INPP4A: variants seen among roughly 807,000 people sequenced by gnomAD.
The protein encoded by INPP4A is inositol polyphosphate-4-phosphatase type I A.
INPP4A carries 33 observed loss-of-function variants against 119.8 expected under a neutral mutation model. That is an observed-to-expected ratio of 0.28 (90% CI 0.21 to 0.37). The LOEUF (loss-of-function observed/expected upper bound fraction) is 0.37. Ranked by LOEUF, INPP4A falls within the 10% of genes least tolerant of loss-of-function variation. The pLI is 1.00. For missense variants in INPP4A, 956 were observed against 1,289.9 expected, an observed-to-expected ratio of 0.74 and a Z score of 3.97; for synonymous variants, 496 against 500.7, an observed-to-expected ratio of 0.99 and a Z score of 0.12.
At chr2:98,507,553 G>C (rs567251332) in intron 1 of INPP4A, among the ~76,000 whole-genome samples, 6 of 152,212 alleles carry the variant, frequency 3.9e-5, no homozygotes, top group Middle Eastern at 3.4e-3. Flanking sequence ...TAGTGTTGAA[G>C]CCCCCATGCT....
intron 1 of INPP4A, among the ~76,000 whole-genome samples, chr2:98,478,509 G>A (rs1017638325): frequency 6.6e-6 from 1 of 152,232 alleles, no homozygotes; most frequent in African/African-American, 2.4e-5. Flanking sequence ...GCAGGGCTGT[G>A]GGGGTAGGGG....
Position 98,459,715 on chromosome 2 carries a change from G to T in INPP4A, c.-166+14630G>T, listed in dbSNP as rs968941145. Among the ~76,000 whole-genome samples, 4 of 152,228 alleles carry T rather than the reference G, an allele frequency of 2.6e-5. No individual in the cohort carries two copies. The East Asian group carries it at 7.7e-4, about 29-fold the overall frequency. On this transcript the variant is annotated intron_variant, in intron 1 of 24. Coordinates refer to ENST00000409851, the MANE Select transcript of INPP4A (RefSeq NM_001134225.2). ...TAGCTTGGTTTTCTTTGTAGGTCCA[G>T]AGTGCCCCACTGTGCCTGGCACAAA...
At chr2:98,519,818 G>A (rs1040618884) in intron 2 of INPP4A, 128 bp from the exon 3 acceptor site, 57 of 530,062 alleles carry the variant, frequency 1.1e-4, no homozygotes, top group South Asian at 2.1e-4. Flanking sequence ...AGTCCACCCC[G>A]GTTCCTCACA....
At position 98,520,756 on chromosome 2, in the gene INPP4A, G is replaced by C. The variant is rs542408957; in HGVS notation, c.151+25G>C. ...GGTAGGTATCTTTCATTATTTTTTT[G>C]TTTTAAAAAATATTTTACTTAAAAA... On this transcript the variant is annotated intron_variant, in intron 4 of 24. Transcript: ENST00000409851. 2.6e-5 allele frequency: 35 copies of C among 1,325,014 alleles called. No individual in the cohort carries two copies. The African/African-American group carries it at 4.0e-4, about 15-fold the overall frequency. The allele number at this position is 1,325,014 out of a possible 1,614,324, so 82.1% of individuals were successfully genotyped here.
At chr2:98,451,689 T>A (rs1311976844) in intron 1 of INPP4A, among the ~76,000 whole-genome samples, 1 of 152,196 alleles carries the variant, frequency 6.6e-6, no homozygotes, top group Non-Finnish European at 1.5e-5. Flanking sequence ...TAATTCACCC[T>A]AGCATATTGA....
chr2:98,520,576 T>G (rs1285118008), intron 3 of INPP4A, 111 bp from the exon 4 acceptor site: 1 of 704,322 alleles, frequency 1.4e-6, no homozygotes, highest in African/African-American at 1.8e-5. Flanking sequence ...TTGTCTTGCA[T>G]GGCAGTTTTT....
At chr2:98,584,693 G>T (rs1699756709) in intron 24 of INPP4A, among the ~76,000 whole-genome samples, 1 of 152,278 alleles carries the variant, frequency 6.6e-6, no homozygotes, top group Non-Finnish European at 1.5e-5. Context: ...GTGAAAATCA[G>T]TATGCCGCCT....
intron 4 of INPP4A, among the ~76,000 whole-genome samples, chr2:98,531,299 C>G (rs1453629671): frequency 6.6e-6 from 1 of 151,618 alleles, no homozygotes; most frequent in Non-Finnish European, 1.5e-5. Context: ...ATGAAAAGAA[C>G]CAAATAGATA....
chr2:98,572,487 CACTCCCTCCTA>C (rs1361207719), intron 22 of INPP4A, among the ~76,000 whole-genome samples: 1 of 152,230 alleles, frequency 6.6e-6, no homozygotes, highest in Non-Finnish European at 1.5e-5. Context: ...GGATCCCTCT[CACTCCCTCCTA>C]ACTCCCTCAT....
At chr2:98,565,157 A>AG (rs1279764373) in intron 19 of INPP4A, among the ~76,000 whole-genome samples, 1 of 152,224 alleles carries the variant, frequency 6.6e-6, no homozygotes, top group Admixed American at 6.5e-5. Flanking sequence ...CCCTCTAAAA[A>AG]GGCTCTCTTC....
At chr2:98,446,160 G>A (rs1417374263) in intron 1 of INPP4A, among the ~76,000 whole-genome samples, 1 of 152,270 alleles carries the variant, frequency 6.6e-6, no homozygotes, top group Non-Finnish European at 1.5e-5. Flanking sequence ...GGTGAGAGCA[G>A]AGCCTTTTTT....
At chr2:98,483,382 A>C (rs918595374) in intron 1 of INPP4A, among the ~76,000 whole-genome samples, 3 of 152,196 alleles carry the variant, frequency 2.0e-5, no homozygotes, top group South Asian at 2.1e-4. Flanking sequence ...TTGTGGTCAG[A>C]AACAGGTATT....
At chr2:98,571,295 C>CT (rs1210665889) in intron 22 of INPP4A, among the ~76,000 whole-genome samples, 2 of 152,248 alleles carry the variant, frequency 1.3e-5, no homozygotes, top group Non-Finnish European at 2.9e-5. Flanking sequence ...GAGGGCAAGT[C>CT]TCCCCAGGAG....
chr2:98,550,443 G>A (rs1233185684), intron 13 of INPP4A, among the ~76,000 whole-genome samples: 3 of 152,186 alleles, frequency 2.0e-5, no homozygotes, highest in Admixed American at 2.0e-4. Context: ...GTTACCAGCA[G>A]TTCCTGGCCA....
At position 98,460,100 on chromosome 2, in the gene INPP4A, CGTGT is replaced by C. The variant is rs3066275; in HGVS notation, c.-166+15044_-166+15047del. Among the ~76,000 whole-genome samples, 640 of 146,732 alleles carry C rather than the reference CGTGT, an allele frequency of 4.4e-3. 3 individuals are homozygous for C. The highest frequency in any genetic ancestry group is 0.011 in the African/African-American group (456 of 39,708). On this transcript the variant is annotated intron_variant, in intron 1 of 24. Transcript: ENST00000409851. ...GTGCCACACCTTTGGGTTTGGTCATCGTGTGTGTGTGTGTGTGTGTGTGTGTGTG... is the reference window on the plus strand; with the variant it reads ...GTGCCACACCTTTGGGTTTGGTCATCGTGTGTGTGTGTGTGTGTGTGTGTG...
chr2:98,582,267 C>CT (rs1487872358), intron 24 of INPP4A, among the ~76,000 whole-genome samples: 7 of 152,220 alleles, frequency 4.6e-5, no homozygotes, highest in African/African-American at 1.4e-4. Context: ...GTACTTTCTG[C>CT]TTTCATTTCA....
intron 16 of INPP4A, among the ~76,000 whole-genome samples, chr2:98,557,925 G>A (rs1694781322): frequency 6.6e-6 from 1 of 151,482 alleles, no homozygotes; most frequent in Non-Finnish European, 1.5e-5. Flanking sequence ...CCTTCCTCCT[G>A]TACACTCTGT....
chr2:98,588,257 C>CT lies in INPP4A; in HGVS notation c.*655dup. ...GGTACCCCACATAGTTGGGGCCACTCTTTTTTCTGTCCCTTATGAGTTACA... is the reference window on the plus strand; with the variant it reads ...GGTACCCCACATAGTTGGGGCCACTCTTTTTTTCTGTCCCTTATGAGTTACA... On this transcript the variant is annotated 3_prime_UTR_variant, in exon 25 of 25. Transcript: ENST00000409851. 4.8e-6 allele frequency: 1 copy of CT among 208,172 alleles called. No homozygotes were observed. The highest frequency in any genetic ancestry group is 9.8e-6 in the Non-Finnish European group (1 of 102,240). 12.9% of individuals were successfully genotyped at this position (208,172 alleles called of 1,614,324 possible). A position where few individuals can be genotyped will look rare whatever the true frequency, so the allele number is the denominator to read the frequency against.
chr2:98,552,736 C>T (rs1364316214), intron 13 of INPP4A, 50 bp from the exon 14 acceptor site: 2 of 1,445,794 alleles, frequency 1.4e-6, no homozygotes, highest in Non-Finnish European at 1.9e-6. Flanking sequence ...ATGCTGTCAT[C>T]CTTTTCAGAT....
Sources: gnomAD v4.1 joint callset for allele counts (sites outside exome capture counted in the v4.1 genomes callset) on GRCh38, gnomAD v4.1.1 for gene constraint, MANE v1.5 for transcripts, NCBI Gene and HGNC (gene_info 2026-07-23, HGNC 2026-07-21) for gene names.